Variants in ZC3H12B observed in about 807,000 individuals in gnomAD.
ZC3H12B encodes zinc finger CCCH-type containing 12B.
In ZC3H12B, 7 loss-of-function variants were observed where a neutral mutation model predicts 43.9. The ratio of observed to expected loss-of-function variants is 0.16; its 90% CI spans 0.09 to 0.30. The LOEUF (loss-of-function observed/expected upper bound fraction) is 0.30, where lower values mean the gene tolerates loss of function less well. Ranked by LOEUF, ZC3H12B falls within the 10% of genes least tolerant of loss-of-function variation. The pLI, the probability that ZC3H12B is intolerant of heterozygous loss-of-function variation, is 1.00. For synonymous variants in ZC3H12B, 222 were observed against 241.7 expected (o/e 0.92, Z 0.76); for missense variants, 475 against 670.2 (o/e 0.71, Z 3.22).
chrX:65,192,339 T>G, the ZC3H12B span, among the ~76,000 whole-genome samples: 1 of 111,592 alleles, frequency 9.0e-6, no homozygotes, highest in African/African-American at 3.3e-5. Context: ...TGGATACCCT[T>G]TTTTTCTTTT....
At chrX:65,197,407 T>A in the ZC3H12B span, among the ~76,000 whole-genome samples, 1 of 112,067 alleles carries the variant, frequency 8.9e-6, no homozygotes. Context: ...TTAAGTAAAA[T>A]GTAAGAATTT....
chrX:65,350,531 C>A, the ZC3H12B span, among the ~76,000 whole-genome samples: 1 of 111,733 alleles, frequency 8.9e-6, no homozygotes, highest in African/African-American at 3.3e-5. Flanking sequence ...GAGAGGAAGT[C>A]AAATTGTCTC....
At chrX:65,215,178 A>G in the ZC3H12B span, among the ~76,000 whole-genome samples, 1 of 111,856 alleles carries the variant, frequency 8.9e-6, no homozygotes, top group Non-Finnish European at 1.9e-5. Flanking sequence ...GAGCTTTTGG[A>G]ATGGTAAATG....
chrX:65,201,639 CCTCTCTCTCTCTCTCTCTCTCT>C, the ZC3H12B span, among the ~76,000 whole-genome samples: 2 of 64,552 alleles, frequency 3.1e-5, no homozygotes, highest in Non-Finnish European at 6.0e-5. Flanking sequence ...TGAAAGATCA[CCTCTCTCTCTCTCTCTCTCTCT>C]CTCTCTCTCT....
At chrX:65,162,124 G>A in the ZC3H12B span, among the ~76,000 whole-genome samples, 1 of 111,518 alleles carries the variant, frequency 9.0e-6, no homozygotes, top group Non-Finnish European at 1.9e-5. Flanking sequence ...TAGAGTTTCT[G>A]CCACGAGATC....
the ZC3H12B span, among the ~76,000 whole-genome samples, chrX:65,314,630 C>A: frequency 1.8e-5 from 2 of 111,735 alleles, no homozygotes; most frequent in Admixed American, 9.5e-5. Context: ...TTCCAGCACA[C>A]CTTCCATAAA....
chrX:65,206,009 T>C, the ZC3H12B span, among the ~76,000 whole-genome samples: 1 of 111,680 alleles, frequency 9.0e-6, no homozygotes, highest in Admixed American at 9.6e-5. Flanking sequence ...CTGAAAGAAA[T>C]CATAGACAAC....
chrX:65,304,725 C>A, the ZC3H12B span, among the ~76,000 whole-genome samples: 1 of 110,650 alleles, frequency 9.0e-6, no homozygotes. Context: ...TAAAAAAGTA[C>A]ACTTTTAGAA....
chrX:65,123,727 T>A, the ZC3H12B span, among the ~76,000 whole-genome samples: 33 of 107,051 alleles, frequency 3.1e-4, no homozygotes, highest in Admixed American at 3.2e-3. Context: ...TTGTTGTTGT[T>A]TCTTTTTTTT....
At chrX:65,246,188 A>C in the ZC3H12B span, among the ~76,000 whole-genome samples, 31 of 111,809 alleles carry the variant, frequency 2.8e-4, no homozygotes, top group African/African-American at 9.4e-4. Context: ...TGAAATACCT[A>C]GGAATACAGG....
At chrX:65,055,466 T>G in the ZC3H12B span, among the ~76,000 whole-genome samples, 29 of 111,974 alleles carry the variant, frequency 2.6e-4, 1 homozygote, top group African/African-American at 8.8e-4. Context: ...AGCTTTTTCA[T>G]GTGTTGCTGG....
chrX:65,415,929 A>G (rs945337234), intron 3 of ZC3H12B, among the ~76,000 whole-genome samples: 1 of 112,191 alleles, frequency 8.9e-6, no homozygotes, highest in African/African-American at 3.2e-5. Flanking sequence ...ATCCTGCATC[A>G]TTTGAAATGG....
At chrX:65,046,873 T>A in the ZC3H12B span, among the ~76,000 whole-genome samples, 9 of 110,981 alleles carry the variant, frequency 8.1e-5, no homozygotes, top group Non-Finnish European at 1.9e-5. Flanking sequence ...TCAATATTGT[T>A]ATGTCTCACA....
chrX:65,314,213 G>T, the ZC3H12B span, among the ~76,000 whole-genome samples: 1 of 110,652 alleles, frequency 9.0e-6, no homozygotes, highest in Non-Finnish European at 1.9e-5. Flanking sequence ...TGAGTTCCTG[G>T]CAGAGAGAAG....
the ZC3H12B span, among the ~76,000 whole-genome samples, chrX:65,160,856 G>A: frequency 9.0e-6 from 1 of 111,023 alleles, no homozygotes; most frequent in East Asian, 2.8e-4. Flanking sequence ...TGATGTTAAA[G>A]TGTCAATTTT....
the ZC3H12B span, among the ~76,000 whole-genome samples, chrX:65,211,701 T>A: frequency 2.2e-5 from 2 of 89,340 alleles, no homozygotes; most frequent in African/African-American, 8.2e-5. Context: ...TATTATATAA[T>A]ATATAATATA....
intron 3 of ZC3H12B, among the ~76,000 whole-genome samples, chrX:65,454,541 C>T (rs997407222): frequency 1.8e-5 from 2 of 112,185 alleles, no homozygotes; most frequent in Non-Finnish European, 3.8e-5. Context: ...TCTGTAGACT[C>T]CACCTCTGGG....
the ZC3H12B span, among the ~76,000 whole-genome samples, chrX:65,257,575 C>T: frequency 1.8e-5 from 2 of 110,269 alleles, no homozygotes; most frequent in African/African-American, 3.3e-5. Context: ...ACATTGTGCA[C>T]ATGTACTCTA....
chrX:65,191,512 C>T, the ZC3H12B span, among the ~76,000 whole-genome samples: 1 of 101,821 alleles, frequency 9.8e-6, no homozygotes, highest in African/African-American at 4.3e-5. Flanking sequence ...TCAACTTCTT[C>T]CTGGTTTAGT....
Sources: allele counts gnomAD v4.1 joint callset (sites outside exome capture counted in the v4.1 genomes callset), GRCh38; gene constraint gnomAD v4.1.1; transcripts MANE v1.5; gene names NCBI Gene and HGNC (gene_info 2026-07-23, HGNC 2026-07-21).